Variants in IL1RAPL1 observed in about 807,000 individuals in gnomAD.
IL1RAPL1 encodes the protein interleukin-1 receptor accessory protein-like 1.
A neutral mutation model predicts 48.4 loss-of-function variants in IL1RAPL1; 3 were observed. The observed-to-expected ratio is 0.06, with a 90% CI of 0.03 to 0.16. The LOEUF (loss-of-function observed/expected upper bound fraction) is 0.16, where lower values mean the gene tolerates loss of function less well. Ranked by LOEUF, IL1RAPL1 falls within the 10% of genes least tolerant of loss-of-function variation. IL1RAPL1 has a pLI of 1.00. For missense variants in IL1RAPL1, 349 were observed against 530.6 expected (o/e 0.66, Z 3.36); for synonymous variants, 185 against 187.7 (o/e 0.99, Z 0.12).
At chrX:28,821,812 G>T (rs1936940512) in intron 2 of IL1RAPL1, among the ~76,000 whole-genome samples, 1 of 111,247 alleles carries the variant, frequency 9.0e-6, no homozygotes, top group South Asian at 3.7e-4. Context: ...CATTGCTTCA[G>T]TTAGCATCCT....
intron 2 of IL1RAPL1, among the ~76,000 whole-genome samples, chrX:28,961,224 C>G (rs1366367023): frequency 9.1e-6 from 1 of 110,470 alleles, no homozygotes; most frequent in Non-Finnish European, 1.9e-5. Context: ...TGATAGGGAC[C>G]ACATAGCAAT....
intron 6 of IL1RAPL1, among the ~76,000 whole-genome samples, chrX:29,773,298 T>C (rs1379894990): frequency 8.9e-6 from 1 of 111,737 alleles, no homozygotes; most frequent in African/African-American, 3.3e-5. Context: ...TCCAGCAGTG[T>C]CATGGGCTTT....
At chrX:28,742,476 A>G (rs1687722031) in intron 1 of IL1RAPL1, among the ~76,000 whole-genome samples, 1 of 111,609 alleles carries the variant, frequency 9.0e-6, no homozygotes, top group Non-Finnish European at 1.9e-5. Flanking sequence ...ATTGGAAGAC[A>G]TTTGTATTTC....
intron 2 of IL1RAPL1, among the ~76,000 whole-genome samples, chrX:29,282,031 G>A (rs1249957424): frequency 3.6e-5 from 4 of 110,608 alleles, no homozygotes; most frequent in African/African-American, 1.3e-4. Flanking sequence ...TCTTATAAGG[G>A]CACTAATCCC....
chrX:29,894,151 C>A (rs1322418285), intron 6 of IL1RAPL1, among the ~76,000 whole-genome samples: 2 of 111,984 alleles, frequency 1.8e-5, no homozygotes, highest in Non-Finnish European at 3.8e-5. Flanking sequence ...GCAGTAAGGG[C>A]ATTTTGAAAG....
intron 5 of IL1RAPL1, among the ~76,000 whole-genome samples, chrX:29,448,438 C>A (rs1461016600): frequency 1.8e-5 from 2 of 111,938 alleles, no homozygotes; most frequent in African/African-American, 6.5e-5. Context: ...CACTTGTCAA[C>A]ATTAATCTGT....
chrX:29,048,780 C>T (rs1347787170), intron 2 of IL1RAPL1, among the ~76,000 whole-genome samples: 1 of 111,890 alleles, frequency 8.9e-6, no homozygotes, highest in Admixed American at 9.5e-5. Context: ...GGATTGGCCT[C>T]ACCAGTTTTT....
intron 2 of IL1RAPL1, among the ~76,000 whole-genome samples, chrX:29,251,515 A>T (rs182109597): frequency 9.0e-6 from 1 of 111,686 alleles, no homozygotes; most frequent in East Asian, 2.8e-4. Flanking sequence ...ATTCACATCC[A>T]TATACATCTG....
At chrX:28,850,176 T>C (rs1921622639) in intron 2 of IL1RAPL1, among the ~76,000 whole-genome samples, 1 of 112,404 alleles carries the variant, frequency 8.9e-6, no homozygotes, top group Non-Finnish European at 1.9e-5. Context: ...TTTACCTAGT[T>C]GGAGCTCAGA....
intron 2 of IL1RAPL1, among the ~76,000 whole-genome samples, chrX:28,991,266 T>C (rs759395000): frequency 4.5e-5 from 5 of 111,762 alleles, no homozygotes; most frequent in Non-Finnish European, 7.5e-5. Context: ...AATTTAAAAC[T>C]AAAATCACTT....
intron 5 of IL1RAPL1, among the ~76,000 whole-genome samples, chrX:29,636,042 A>T (rs1924956832): frequency 9.0e-6 from 1 of 111,339 alleles, no homozygotes; most frequent in Admixed American, 9.6e-5. Flanking sequence ...AAATCTGACC[A>T]CATTATAATG....
chrX:29,340,825 A>G (rs73212167), intron 3 of IL1RAPL1, among the ~76,000 whole-genome samples: 17,803 of 111,686 alleles, frequency 0.16, 1,135 homozygotes, highest in East Asian at 0.35. Flanking sequence ...CGAGGACACC[A>G]TGTAGCTGCC....
chrX:28,647,982 T>A (rs1343030006), intron 1 of IL1RAPL1, among the ~76,000 whole-genome samples: 2 of 111,732 alleles, frequency 1.8e-5, no homozygotes, highest in Non-Finnish European at 3.8e-5. Context: ...GAATAAAATT[T>A]AAACTCAAAT....
chrX:29,404,415 C>A (rs1934029610), intron 5 of IL1RAPL1, among the ~76,000 whole-genome samples: 1 of 111,480 alleles, frequency 9.0e-6, no homozygotes, highest in Non-Finnish European at 1.9e-5. Context: ...TTATCTCTTC[C>A]ATTTTTACAT....
chrX:29,925,612 A>G (rs1205700498), intron 8 of IL1RAPL1, among the ~76,000 whole-genome samples: 11 of 106,562 alleles, frequency 1.0e-4, no homozygotes, highest in Non-Finnish European at 1.9e-4. Flanking sequence ...ATCATGGCTC[A>G]CCGCAACCTC....
intron 6 of IL1RAPL1, among the ~76,000 whole-genome samples, chrX:29,704,750 CT>C (rs1221170199): frequency 9.0e-6 from 1 of 111,626 alleles, no homozygotes; most frequent in African/African-American, 3.3e-5. Context: ...ATCTAGCTTA[CT>C]TTTCCTTAAT....
At chrX:29,205,179 C>T (rs758748904) in intron 2 of IL1RAPL1, among the ~76,000 whole-genome samples, 14 of 111,587 alleles carry the variant, frequency 1.3e-4, no homozygotes, top group Non-Finnish European at 2.4e-4. Context: ...GGAGAGAGTT[C>T]AGAGGAGACT....
At chrX:29,867,183 T>C (rs909056946) in intron 6 of IL1RAPL1, among the ~76,000 whole-genome samples, 77 of 112,110 alleles carry the variant, frequency 6.9e-4, no homozygotes, top group African/African-American at 2.3e-3. Flanking sequence ...AACTTTTATA[T>C]GTTTCAGTTA....
At chrX:28,919,678 A>G (rs1012279869) in intron 2 of IL1RAPL1, among the ~76,000 whole-genome samples, 1 of 112,096 alleles carries the variant, frequency 8.9e-6, no homozygotes, top group African/African-American at 3.2e-5. Context: ...CCATCTATGA[A>G]AAATGGTTAG....
Sources: gnomAD v4.1 joint callset for allele counts (sites outside exome capture counted in the v4.1 genomes callset) on GRCh38, gnomAD v4.1.1 for gene constraint, MANE v1.5 for transcripts, NCBI Gene and HGNC (gene_info 2026-07-23, HGNC 2026-07-21) for gene names.